Variants in MAP3K9 observed in about 807,000 individuals in gnomAD.
MAP3K9 encodes the protein mixed lineage kinase 1 (tyr and ser/thr specificity).
Under a neutral mutation model 95.8 loss-of-function variants are expected in MAP3K9, and 46 were observed. The observed-to-expected ratio is 0.48, with a 90% CI of 0.38 to 0.61. The LOEUF (loss-of-function observed/expected upper bound fraction) is 0.61, where lower values mean the gene tolerates loss of function less well. MAP3K9 is among the 20% of genes least tolerant of loss of function. The pLI, the probability that MAP3K9 is intolerant of heterozygous loss-of-function variation, is 0.00. For synonymous variants in MAP3K9, 533 were observed against 593.8 expected (o/e 0.90, Z 1.49); for missense variants, 1,296 against 1,474.3 (o/e 0.88, Z 1.98).
Position 70,748,942 on chromosome 14 carries a change from T to C in MAP3K9, c.1213A>G (p.Thr405Ala). 6.2e-7 allele frequency: 1 copy of C among 1,614,018 alleles called. No individual in the cohort carries two copies. Among genetic ancestry groups the C allele is most frequent in the East Asian group, 2.2e-5 (1 of 44,884 alleles). ...SFTNILDQLTTIEESGFFEMP... is the reference protein window; with the variant it reads ...SFTNILDQLTAIEESGFFEMP... ...TCAAAGAAACCAGACTCCTCTATGG[T>C]GGTTAGCTGGTCCAGGATATTCGTG... is the stretch of plus-strand genomic sequence containing the variant. Residue 405 changes from threonine to alanine, a missense_variant, in exon 5 of 12, where the codon ACC becomes GCC. Thr to Ala is a moderately conservative substitution (Grantham distance 58, BLOSUM62 0). Transcript: ENST00000554752.
At chr14:70,731,468 A>G (rs1370198118) in intron 11 of MAP3K9, among the ~76,000 whole-genome samples, 1 of 152,190 alleles carries the variant, frequency 6.6e-6, no homozygotes, top group East Asian at 1.9e-4. Context: ...AAAGGTATAC[A>G]ATAACATTTT....
chr14:70,770,851 G>A (rs2054522206), intron 2 of MAP3K9, among the ~76,000 whole-genome samples: 1 of 152,110 alleles, frequency 6.6e-6, no homozygotes, highest in South Asian at 2.1e-4. Flanking sequence ...CCTCTTTACT[G>A]ATTCCTTCCC....
intron 10 of MAP3K9, 177 bp from the exon 11 acceptor site, chr14:70,733,519 C>A: frequency 1.7e-6 from 1 of 603,336 alleles, no homozygotes; most frequent in Non-Finnish European, 3.0e-6. Flanking sequence ...GCTTTATCCA[C>A]CCCCCAACAC....
Position 70,733,320 on chromosome 14 carries a change from T to C in MAP3K9, c.2049A>G (p.Pro683=), listed in dbSNP as rs773605158. The part of the protein sequence containing the change: ...MEMEDEDSEG[P]GSGESRLQHS... ...GCTGTAGGCGACTCTCTCCACTCCC[T>C]GGGCCTTCACTGTCCTCATCCTCTG... Residue 683 remains proline (P), a synonymous_variant, in exon 11 of 12, where the codon CCA becomes CCG. Transcript: ENST00000554752. 6.7e-7 allele frequency: 1 copy of C among 1,484,252 alleles called. No homozygotes were observed. Among genetic ancestry groups the C allele is most frequent in the South Asian group, 1.2e-5 (1 of 82,690 alleles). 91.9% of individuals were successfully genotyped at this position (1,484,252 alleles called of 1,614,324 possible). A position where few individuals can be genotyped will look rare whatever the true frequency, so the allele number is the denominator to read the frequency against.
At chr14:70,794,913 G>A (rs4528504) in intron 2 of MAP3K9, among the ~76,000 whole-genome samples, 140,424 of 150,296 alleles carry the variant, frequency 0.93, 65,670 homozygotes, top group African/African-American at 0.96. Context: ...TCCTGACCTC[G>A]TGATCCACCT....
chr14:70,766,195 G>A (rs1189136644), intron 2 of MAP3K9, among the ~76,000 whole-genome samples: 5 of 152,102 alleles, frequency 3.3e-5, no homozygotes, highest in Non-Finnish European at 7.4e-5. Context: ...TAGGTTCACT[G>A]TAACAAGAGT....
chr14:70,733,041 C>G lies in MAP3K9; in HGVS notation c.2328G>C (p.Gln776His). 6.2e-7 allele frequency: 1 copy of G among 1,614,190 alleles called. No homozygotes were observed. The highest frequency in any genetic ancestry group is 1.3e-5 in the African/African-American group (1 of 75,056). The change falls in exon 11 of 12, where the codon CAG becomes CAC. Residue 776 changes from glutamine to histidine, a missense_variant. This residue lies in a region of MAP3K9 where 433 missense variants were observed against 441.4 expected (regional missense o/e 0.98). Coordinates refer to ENST00000554752, the MANE Select transcript of MAP3K9 (RefSeq NM_001284230.2). ...GFDLLEAGKC[Q>H]LLPLEEPEPP... ...GCTCAGGCTCCTCCAGGGGAAGCAG[C>G]TGGCACTTGCCAGCTTCCAGCAAGT...
At chr14:70,786,466 T>C (rs187469609) in intron 2 of MAP3K9, among the ~76,000 whole-genome samples, 176 of 152,314 alleles carry the variant, frequency 1.2e-3, no homozygotes, top group Admixed American at 2.0e-3. Context: ...AGAAGAATAC[T>C]GAACACTGTT....
chr14:70,737,949 G>A lies in MAP3K9; in HGVS notation c.1844+296C>T, dbSNP rs189556228. On this transcript the variant is annotated intron_variant, in intron 8 of 11. Coordinates refer to ENST00000554752, the MANE Select transcript of MAP3K9 (RefSeq NM_001284230.2). ...ACTCGCTCATTTACATGTTGTCCAT[G>A]GTCTCTGGAGGCTTCTGTGTTCCAA... Among the ~76,000 whole-genome samples the A allele has an allele frequency of 2.0e-5, 3 of 152,250 alleles. No individual in the cohort carries two copies. In the East Asian group the frequency reaches 5.8e-4, roughly 29 times the overall value.
rs563126442 is a variant in MAP3K9, at chr14:70,792,902, G to A, written c.820+7765C>T. Among the ~76,000 whole-genome samples, 3 of 152,362 alleles carry A rather than the reference G, an allele frequency of 2.0e-5. No individual in the cohort carries two copies. The South Asian group carries it at 6.2e-4, about 32-fold the overall frequency. ...AAATCTCTATCATCCTCACACTGGTGAAAGCATGTCTTCAGCTTCCTGACC... is the reference window on the plus strand; with the variant it reads ...AAATCTCTATCATCCTCACACTGGTAAAAGCATGTCTTCAGCTTCCTGACC... On this transcript the variant is annotated intron_variant, in intron 2 of 11. Transcript: ENST00000554752.
chr14:70,726,914 A>G lies in MAP3K9; in HGVS notation c.*3466T>C, dbSNP rs2053827287. On this transcript the variant is annotated 3_prime_UTR_variant, in exon 12 of 12. Transcript: ENST00000554752. The stretch of plus-strand genomic sequence containing the variant: ...GCATGTGATGATTGCTTTTAAAGGA[A>G]GGAAATCTGAGAGGGGCTAAAGAGA... The G allele has an allele frequency of 6.6e-6, 1 of 152,286 alleles. No homozygotes were observed. Among genetic ancestry groups the G allele is most frequent in the Non-Finnish European group, 1.5e-5 (1 of 68,078 alleles). The allele number at this position is 152,286 out of a possible 1,614,324, so 9.4% of individuals were successfully genotyped here. A position where few individuals can be genotyped will look rare whatever the true frequency, so the allele number is the denominator to read the frequency against.
intron 5 of MAP3K9, among the ~76,000 whole-genome samples, chr14:70,745,527 TG>T (rs1566737569): frequency 6.6e-6 from 1 of 151,982 alleles, no homozygotes; most frequent in Non-Finnish European, 1.5e-5. Context: ...CACCTGAGAT[TG>T]GGAATTTGAG....
rs958153782 is a variant in MAP3K9, at chr14:70,733,145, C to T, written c.2224G>A (p.Gly742Ser). 47 of 1,613,236 alleles carry T rather than the reference C, an allele frequency of 2.9e-5. No homozygotes were observed. In the Admixed American group the frequency reaches 7.7e-4, roughly 26 times the overall value. The change falls in exon 11 of 12, where the codon GGC (glycine) becomes AGC (serine). Residue 742 changes from glycine to serine, a missense_variant. By Grantham distance (56) the Gly-to-Ser change is moderately conservative (BLOSUM62 0). Around this residue, in one of 5 missense-constraint regions of MAP3K9, gnomAD observed 377 missense variants for 417.1 expected, o/e 0.90. Transcript: ENST00000554752. Reference protein sequence around the residue: ...QLTPTNSLKRGGAHHRRCEVA... With the variant: ...QLTPTNSLKRSGAHHRRCEVA... ...TCGCAGCGGCGGTGGTGGGCACCGC[C>T]CCGCTTGAGGCTGTTGGTTGGCGTC...
chr14:70,772,930 C>A (rs1846428374), intron 2 of MAP3K9, among the ~76,000 whole-genome samples: 1 of 152,128 alleles, frequency 6.6e-6, no homozygotes, highest in Admixed American at 6.5e-5. Flanking sequence ...TCATTCAGCC[C>A]AGGCCTGAAT....
chr14:70,783,498 C>T (rs1378339200), intron 2 of MAP3K9: 1 of 769,206 alleles, frequency 1.3e-6, no homozygotes, highest in Non-Finnish European at 1.6e-6. Context: ...CATCACAAAG[C>T]TCTAAAGTTC....
Position 70,732,794 on chromosome 14 carries a change from C to G in MAP3K9, c.2575G>C (p.Val859Leu). 6.2e-7 allele frequency: 1 copy of G among 1,613,952 alleles called. No homozygotes were observed. Among genetic ancestry groups the G allele is most frequent in the Non-Finnish European group, 8.5e-7 (1 of 1,179,928 alleles). The change falls in exon 11 of 12, where the codon GTG becomes CTG. Residue 859 changes from valine to leucine, a missense_variant. By Grantham distance (32) the Val-to-Leu change is conservative. Coordinates refer to ENST00000554752, the MANE Select transcript of MAP3K9 (RefSeq NM_001284230.2). Reference protein sequence around the residue: ...LLRSDSDEIVVYEMPVSPVEA... With the variant: ...LLRSDSDEIVLYEMPVSPVEA... ...ACTGGGCTGACTGGCATCTCATACA[C>G]GACAATTTCATCGCTGTCGGAGCGC...
intron 2 of MAP3K9, among the ~76,000 whole-genome samples, chr14:70,795,449 C>T (rs1301666516): frequency 6.6e-6 from 1 of 152,072 alleles, no homozygotes; most frequent in Non-Finnish European, 1.5e-5. Flanking sequence ...GTTGGGTCCA[C>T]AGGCATGCAC....
intron 3 of MAP3K9, among the ~76,000 whole-genome samples, chr14:70,757,063 T>C (rs1223816815): frequency 1.3e-5 from 2 of 152,206 alleles, no homozygotes; most frequent in East Asian, 1.9e-4. Context: ...CTGTAATTAA[T>C]GCATGGTAAA....
chr14:70,782,011 A>G (rs1242139032), intron 2 of MAP3K9, among the ~76,000 whole-genome samples: 2 of 152,200 alleles, frequency 1.3e-5, no homozygotes, highest in Non-Finnish European at 2.9e-5. Context: ...CTTCCCTGGG[A>G]GGTCATAGCT....
Sources: gnomAD v4.1 joint callset for allele counts (sites outside exome capture counted in the v4.1 genomes callset) on GRCh38, gnomAD v4.1.1 for gene constraint, gnomAD v4.1.1 regional missense constraint, MANE v1.5 for transcripts, NCBI Gene and HGNC (gene_info 2026-07-23, HGNC 2026-07-21) for gene names.